The following LAMA4 variants were observed in gnomAD, a reference collection of about 807,000 sequenced individuals.
LAMA4 encodes the protein laminin subunit alpha 4.
LAMA4 carries 127 observed loss-of-function variants against 207.1 expected under a neutral mutation model. The ratio of observed to expected loss-of-function variants is 0.61; its 90% CI spans 0.53 to 0.71. LAMA4 has a LOEUF of 0.71. Among genes scored for constraint, LAMA4 ranks in the 30% least tolerant of loss-of-function variants. The pLI is 0.00. For missense variants in LAMA4, 2,093 were observed against 2,246.5 expected, an observed-to-expected ratio of 0.93 and a Z score of 1.38; for synonymous variants, 761 against 816.0, an observed-to-expected ratio of 0.93 and a Z score of 1.15.
intron 8 of LAMA4, chr6:112,186,614 G>T (rs782193056): frequency 5.9e-5 from 21 of 356,482 alleles, no homozygotes; most frequent in Non-Finnish European, 1.1e-4. Context: ...CCTAGTATTT[G>T]CAGATAATGT....
chr6:112,148,457 T>C, intron 17 of LAMA4, 121 bp from the exon 18 acceptor site: 1 of 1,047,726 alleles, frequency 9.5e-7, no homozygotes, highest in South Asian at 1.4e-5. Flanking sequence ...TAAGCAAAAG[T>C]AAGATTTTTG....
chr6:112,132,871 A>G lies in LAMA4; in HGVS notation c.3716T>C (p.Phe1239Ser). The change falls in exon 28 of 39, where the codon TTC (phenylalanine) becomes TCC (serine). Residue 1239 changes from phenylalanine (F) to serine (S), a missense_variant. Around this residue, in one of 3 missense-constraint regions of LAMA4, gnomAD observed 1,704 missense variants for 1,788.4 expected, o/e 0.95. Coordinates refer to ENST00000230538, the MANE Select transcript of LAMA4 (RefSeq NM_001105206.3). ...EDSLISRRAY[F>S]NGQSFIASIQ... Reference sequence around the variant, plus strand: ...TGAAGCAATGAAGCTCTGTCCATTGAAATATGCTCTGCGAGATATCTGTGT... The same window carrying G: ...TGAAGCAATGAAGCTCTGTCCATTGGAATATGCTCTGCGAGATATCTGTGT... 2 of 1,613,066 alleles carry G rather than the reference A, an allele frequency of 1.2e-6. No homozygotes were observed. The highest frequency in any genetic ancestry group is 1.7e-6 in the Non-Finnish European group (2 of 1,179,228).
Position 112,144,898 on chromosome 6 carries a change from C to A in LAMA4, c.2389G>T (p.Asp797Tyr), listed in dbSNP as rs369218636. 3 of 1,613,916 alleles carry A rather than the reference C, an allele frequency of 1.9e-6. No homozygotes were observed. The highest frequency in any genetic ancestry group is 2.5e-6 in the Non-Finnish European group (3 of 1,179,980). The change falls in exon 19 of 39, where the codon GAT (aspartate) becomes TAT (tyrosine). Residue 797 changes from aspartate to tyrosine, a missense_variant. Around this residue, in one of 3 missense-constraint regions of LAMA4, gnomAD observed 1,704 missense variants for 1,788.4 expected, o/e 0.95. Coordinates refer to ENST00000230538, the MANE Select transcript of LAMA4 (RefSeq NM_001105206.3). ...NLTEVVPQLL[D>Y]QLRTVEQKRP... Reference sequence around the variant, plus strand: ...TTCTGCTCAACCGTACGAAGCTGATCCAGGAGCTGAGGGACAACCTCGGTC... The same window carrying A: ...TTCTGCTCAACCGTACGAAGCTGATACAGGAGCTGAGGGACAACCTCGGTC...
At chr6:112,187,635 CAAA>C in intron 7 of LAMA4, 34 bp from the exon 8 acceptor site, 1 of 1,608,554 alleles carries the variant, frequency 6.2e-7, no homozygotes, top group Non-Finnish European at 8.5e-7. Context: ...AATCACAAGT[CAAA>C]AGCATGCTAA....
Position 112,175,309 on chromosome 6 carries a change from C to A in LAMA4, c.1357+4G>T, listed in dbSNP as rs6917763. ...TGGGTCAGCTATGAGAGGAATACAC[C>A]TACGTTCGTAAGCCTCATCTGCCTC... On this transcript the variant is annotated splice_donor_region_variant and intron_variant, in intron 11 of 38. Transcript: ENST00000230538. 0.022 allele frequency: 35,270 copies of A among 1,613,590 alleles called. 2,251 individuals carry two copies. The African/African-American group carries it at 0.23, about 11-fold the overall frequency.
intron 2 of LAMA4, among the ~76,000 whole-genome samples, chr6:112,244,090 T>G (rs901932707): frequency 1.3e-4 from 20 of 152,118 alleles, no homozygotes; most frequent in African/African-American, 4.8e-4. Context: ...CTAGGATGAT[T>G]CAGTCCATTA....
Position 112,253,943 on chromosome 6 carries a change from A to T in LAMA4, c.195+13T>A. The T allele has an allele frequency of 6.2e-7, 1 of 1,605,548 alleles. No individual in the cohort carries two copies. Among genetic ancestry groups the T allele is most frequent in the Non-Finnish European group, 8.5e-7 (1 of 1,175,514 alleles). On this transcript the variant is annotated intron_variant, in intron 2 of 38. Transcript: ENST00000230538. ...GGTGCCCCAGCAGGGTGGCAATGGCAGGGACACTGTACCTCGGCCGCAGGC... is the reference window on the plus strand; with the variant it reads ...GGTGCCCCAGCAGGGTGGCAATGGCTGGGACACTGTACCTCGGCCGCAGGC...
chr6:112,190,921 T>TTC (rs1491352242), intron 6 of LAMA4, among the ~76,000 whole-genome samples: 1 of 104,212 alleles, frequency 9.6e-6, no homozygotes, highest in Admixed American at 1.1e-4. Context: ...CTTTCTTTCT[T>TTC]TCTTTCTTTC....
rs183644139 is a variant in LAMA4, at chr6:112,125,857, A to G, written c.4287+3065T>C. On this transcript the variant is annotated intron_variant, in intron 31 of 38. Coordinates refer to ENST00000230538, the MANE Select transcript of LAMA4 (RefSeq NM_001105206.3). ...TGGGATATTAGGAAGTGATTGTGAA[A>G]ATAAATTATTACAATCCCAATTGCT... is the stretch of plus-strand genomic sequence containing the variant. Among the ~76,000 whole-genome samples, 6 of 152,360 alleles carry G rather than the reference A, an allele frequency of 3.9e-5. No homozygotes were observed. The East Asian group carries it at 9.6e-4, about 24-fold the overall frequency.
intron 19 of LAMA4, among the ~76,000 whole-genome samples, chr6:112,143,986 T>C (rs569139293): frequency 1.3e-5 from 2 of 152,328 alleles, no homozygotes; most frequent in African/African-American, 4.8e-5. Context: ...AAATAGTTGA[T>C]TTCTAACTCT....
intron 2 of LAMA4, among the ~76,000 whole-genome samples, chr6:112,241,164 T>TATATATATTCAA (rs1786451152): frequency 1.1e-5 from 1 of 89,250 alleles, no homozygotes; most frequent in Non-Finnish European, 2.4e-5. Flanking sequence ...TATATATGAA[T>TATATATATTCAA]ATATATGAAT....
Position 112,158,892 on chromosome 6 carries a change from A to C in LAMA4, c.1669-12T>G, listed in dbSNP as rs782551535. On this transcript the variant is annotated splice_polypyrimidine_tract_variant and intron_variant, in intron 13 of 38. Transcript: ENST00000230538. Reference sequence around the variant, plus strand: ...ATCCCTGACGCATTCTAAAGAAAAAAATTTTAATAAATACATTGAATTTAG... The same window carrying C: ...ATCCCTGACGCATTCTAAAGAAAAACATTTTAATAAATACATTGAATTTAG... 3.2e-6 allele frequency: 5 copies of C among 1,558,524 alleles called. No homozygotes were observed. Among genetic ancestry groups the C allele is most frequent in the Non-Finnish European group, 1.8e-6 (2 of 1,130,866 alleles).
At chr6:112,110,882 A>G (rs1360181202) in intron 38 of LAMA4, among the ~76,000 whole-genome samples, 1 of 152,230 alleles carries the variant, frequency 6.6e-6, no homozygotes, top group Non-Finnish European at 1.5e-5. Context: ...ACAGTGCCCT[A>G]GGATCCTAAG....
chr6:112,232,657 C>A (rs1785639089), intron 2 of LAMA4, among the ~76,000 whole-genome samples: 1 of 152,130 alleles, frequency 6.6e-6, no homozygotes, highest in Non-Finnish European at 1.5e-5. Flanking sequence ...GATAGCTATT[C>A]TGTTACAGCA....
At chr6:112,147,560 G>A (rs1396221822) in intron 18 of LAMA4, among the ~76,000 whole-genome samples, 5 of 152,150 alleles carry the variant, frequency 3.3e-5, no homozygotes, top group African/African-American at 9.6e-5. Context: ...TGGAAAAAGC[G>A]AAATTTCACA....
chr6:112,211,716 G>T (rs1784363516), intron 3 of LAMA4, among the ~76,000 whole-genome samples: 1 of 152,218 alleles, frequency 6.6e-6, no homozygotes, highest in South Asian at 2.1e-4. Flanking sequence ...CCTTAAAGTT[G>T]TCTTTCAAGA....
intron 2 of LAMA4, chr6:112,237,024 T>G (rs1158011639): frequency 2.0e-5 from 3 of 152,210 alleles, no homozygotes; most frequent in Non-Finnish European, 4.4e-5. Context: ...CCTATGAAGA[T>G]CAAATGATAG....
chr6:112,246,066 T>A (rs1786898540), intron 2 of LAMA4, among the ~76,000 whole-genome samples: 1 of 152,214 alleles, frequency 6.6e-6, no homozygotes, highest in Non-Finnish European at 1.5e-5. Context: ...GATGGGAAAC[T>A]TAAGTTGGAA....
At chr6:112,172,865 C>A in intron 11 of LAMA4, 61 bp from the exon 12 acceptor site, 1 of 1,450,624 alleles carries the variant, frequency 6.9e-7, no homozygotes. Context: ...CCATTCCTCC[C>A]AGCATTTTGC....
Sources: gnomAD v4.1 joint callset for allele counts (sites outside exome capture counted in the v4.1 genomes callset) on GRCh38, gnomAD v4.1.1 for gene constraint, gnomAD v4.1.1 regional missense constraint, MANE v1.5 for transcripts, NCBI Gene and HGNC (gene_info 2026-07-23, HGNC 2026-07-21) for gene names.